Variants in SMIM14 observed in about 807,000 individuals in gnomAD.
SMIM14 encodes chromosome 4 open reading frame 34.
In SMIM14, 5 loss-of-function variants were observed where a neutral mutation model predicts 12.6. That is an observed-to-expected ratio of 0.40 (90% CI 0.21 to 0.83). The LOEUF (loss-of-function observed/expected upper bound fraction) is 0.83, where lower values mean the gene tolerates loss of function less well. Ranked by LOEUF, SMIM14 falls within the 40% of genes least tolerant of loss-of-function variation. SMIM14 has a pLI of 0.37. For synonymous variants in SMIM14, 30 were observed against 40.1 expected (o/e 0.75, Z 0.95); for missense variants, 86 against 119.1 (o/e 0.72, Z 1.29).
chr4:39,632,139 T>TA lies in SMIM14; in HGVS notation c.-36+6599dup, dbSNP rs201117557. 6.7e-3 allele frequency among the ~76,000 whole-genome samples: 1,013 copies of TA among 150,912 alleles called. 20 individuals are homozygous for TA. Among genetic ancestry groups the TA allele is most frequent in the African/African-American group, 0.023 (939 of 41,198 alleles). On this transcript the variant is annotated intron_variant, in intron 1 of 4. Transcript: ENST00000295958. ...AATTTAAAATTTAAATACCAAAAGT[T>TA]AAAAAAAAATGGAAAAATGCAGGTA...
chr4:39,556,231 G>A (rs1712005154), intron 4 of SMIM14, among the ~76,000 whole-genome samples, 197 bp downstream of exon 4: 1 of 151,778 alleles, frequency 6.6e-6, no homozygotes, highest in Admixed American at 6.6e-5. Flanking sequence ...GCTTCTTTCT[G>A]CATTTAACTC....
At chr4:39,557,067 T>G (rs1376984688) in intron 3 of SMIM14, among the ~76,000 whole-genome samples, 2 of 147,962 alleles carry the variant, frequency 1.4e-5, no homozygotes, top group Non-Finnish European at 3.0e-5. Flanking sequence ...AAGGCCAGAG[T>G]GCAGTGGGAC....
chr4:39,626,827 A>C (rs1715720411), intron 1 of SMIM14, among the ~76,000 whole-genome samples: 1 of 152,132 alleles, frequency 6.6e-6, no homozygotes, highest in South Asian at 2.1e-4. Flanking sequence ...TCATCTCCTT[A>C]ATGTTTCCAT....
chr4:39,632,351 G>A (rs1232268509), intron 1 of SMIM14, among the ~76,000 whole-genome samples: 3 of 151,786 alleles, frequency 2.0e-5, no homozygotes, highest in African/African-American at 4.8e-5. Flanking sequence ...ATGGTGGCAC[G>A]CGCCTGTAAT....
At chr4:39,583,029 T>C (rs10017732) in intron 2 of SMIM14, among the ~76,000 whole-genome samples, 30,777 of 151,916 alleles carry the variant, frequency 0.2, 3,769 homozygotes, top group South Asian at 0.32. Context: ...TGATCTCAGA[T>C]GTTCCACCCG....
chr4:39,591,337 T>C (rs561871334), intron 2 of SMIM14, among the ~76,000 whole-genome samples: 2 of 152,096 alleles, frequency 1.3e-5, no homozygotes, highest in South Asian at 2.1e-4. Flanking sequence ...ATTTTTTAAG[T>C]GTTTCTGAAC....
At position 39,558,181 on chromosome 4, in the gene SMIM14, G is replaced by T. The variant is rs1712112779; in HGVS notation, c.125-1611C>A. On this transcript the variant is annotated intron_variant, in intron 3 of 4. Transcript: ENST00000295958. This position sits in a 1 kb window ranked among gnomAD's most constrained non-coding sequence, Gnocchi z 4.3. ...AGATTTTTTATTGAAGTATATTAGA[G>T]AACTCAATTTTCAGAAATAAAAATG... Among the ~76,000 whole-genome samples, 1 of 152,186 alleles carries T rather than the reference G, an allele frequency of 6.6e-6. No homozygotes were observed. Among genetic ancestry groups the T allele is most frequent in the African/African-American group, 2.4e-5 (1 of 41,448 alleles).
At chr4:39,573,188 C>T (rs1338302681) in intron 2 of SMIM14, among the ~76,000 whole-genome samples, 3 of 150,626 alleles carry the variant, frequency 2.0e-5, no homozygotes, top group Non-Finnish European at 4.4e-5. Flanking sequence ...CTCCGCCTCC[C>T]AGGTTCAAGC....
At chr4:39,577,464 G>A (rs1713265458) in intron 2 of SMIM14, among the ~76,000 whole-genome samples, 1 of 145,480 alleles carries the variant, frequency 6.9e-6, no homozygotes, top group Non-Finnish European at 1.5e-5. Flanking sequence ...GTCTGACTCT[G>A]TCTCCCAGGC....
intron 1 of SMIM14, chr4:39,638,151 G>C (rs1470945040): frequency 2.0e-5 from 3 of 152,210 alleles, no homozygotes; most frequent in African/African-American, 7.2e-5. Flanking sequence ...TTCCAATAAA[G>C]GGTGCTGCTA....
chr4:39,572,277 C>CTTTTTTTTTTTTTT (rs71192876), intron 3 of SMIM14, 138 bp downstream of exon 3: 1 of 209,864 alleles, frequency 4.8e-6, no homozygotes, highest in African/African-American at 5.4e-5. Flanking sequence ...GTATGTGTCG[C>CTTTTTTTTTTTTTT]TTTTTTTTTT....
chr4:39,574,756 T>G (rs1020058013), intron 2 of SMIM14, among the ~76,000 whole-genome samples: 3 of 152,168 alleles, frequency 2.0e-5, no homozygotes, highest in Admixed American at 2.0e-4. Flanking sequence ...ACTAAACAAC[T>G]ATTGGAATTA....
At chr4:39,623,760 G>A (rs1156368831) in intron 1 of SMIM14, among the ~76,000 whole-genome samples, 2 of 152,138 alleles carry the variant, frequency 1.3e-5, no homozygotes, top group African/African-American at 4.8e-5. Flanking sequence ...TACTTGGGAG[G>A]CTGAGGCAGG....
At position 39,551,560 on chromosome 4, in the gene SMIM14, T is replaced by C. The variant is rs1434052909; in HGVS notation, c.*566A>G. Reference sequence around the variant, plus strand: ...AAGCCAGTTTAATCCATGACACAGATTTCAGCTGTAATTTGCAAAACAATC... The same window carrying C: ...AAGCCAGTTTAATCCATGACACAGACTTCAGCTGTAATTTGCAAAACAATC... On this transcript the variant is annotated 3_prime_UTR_variant, in exon 5 of 5. Coordinates refer to ENST00000295958, the MANE Select transcript of SMIM14 (RefSeq NM_174921.3). The C allele has an allele frequency of 6.6e-6, 1 of 152,604 alleles. No individual in the cohort carries two copies. Among genetic ancestry groups the C allele is most frequent in the Non-Finnish European group, 1.5e-5 (1 of 68,042 alleles). The allele number at this position is 152,604 out of a possible 1,614,324, so 9.5% of individuals were successfully genotyped here. A position where few individuals can be genotyped will look rare whatever the true frequency, so the allele number is the denominator to read the frequency against.
chr4:39,624,590 G>A (rs1023420621), intron 1 of SMIM14, among the ~76,000 whole-genome samples: 1 of 152,154 alleles, frequency 6.6e-6, no homozygotes, highest in African/African-American at 2.4e-5. Flanking sequence ...TTGGGAGGCT[G>A]AGGCAGGCGG....
intron 2 of SMIM14, among the ~76,000 whole-genome samples, chr4:39,585,882 T>C (rs1202450092): frequency 6.6e-6 from 1 of 152,048 alleles, no homozygotes; most frequent in African/African-American, 2.4e-5. Flanking sequence ...TCTGAATTGC[T>C]GTTAAGGTCG....
chr4:39,553,286 C>T (rs781656616), intron 4 of SMIM14, among the ~76,000 whole-genome samples: 5 of 152,094 alleles, frequency 3.3e-5, no homozygotes, highest in East Asian at 3.8e-4. Flanking sequence ...TGGTCTCCAA[C>T]TCCTGACCTC....
chr4:39,609,152 AT>A (rs200983713), intron 1 of SMIM14, among the ~76,000 whole-genome samples: 25 of 150,336 alleles, frequency 1.7e-4, no homozygotes, highest in Middle Eastern at 3.4e-3. Context: ...AATTTTTTGT[AT>A]TTTTTTTTAG....
At chr4:39,554,371 G>C (rs1425577127) in intron 4 of SMIM14, among the ~76,000 whole-genome samples, 1 of 152,184 alleles carries the variant, frequency 6.6e-6, no homozygotes, top group Non-Finnish European at 1.5e-5. Context: ...ACTTCGGGAG[G>C]CCGAGGCAGG....
Sources: allele counts gnomAD v4.1 joint callset (sites outside exome capture counted in the v4.1 genomes callset), GRCh38; gene constraint gnomAD v4.1.1; non-coding constraint Gnocchi (gnomAD v3.1); transcripts MANE v1.5; gene names NCBI Gene and HGNC (gene_info 2026-07-23, HGNC 2026-07-21).